GABRB3: variants seen among roughly 807,000 people sequenced by gnomAD.
GABRB3 encodes gamma-aminobutyric acid type A receptor subunit beta3.
Under a neutral mutation model 52.1 loss-of-function variants are expected in GABRB3, and 14 were observed. That is an observed-to-expected ratio of 0.27 (90% CI 0.18 to 0.42). The LOEUF is 0.42. GABRB3 is among the 10% of genes least tolerant of loss of function. GABRB3 has a pLI of 1.00. For synonymous variants in GABRB3, 260 were observed against 232.3 expected, an observed-to-expected ratio of 1.12 and a Z score of -1.08; for missense variants, 307 against 609.1, an observed-to-expected ratio of 0.50 and a Z score of 5.22.
rs1055128772 is a variant in GABRB3, at chr15:26,560,920, T to C, written c.1080+12A>G. 1.2e-6 allele frequency: 2 copies of C among 1,613,352 alleles called. No individual in the cohort carries two copies. The highest frequency in any genetic ancestry group is 1.7e-6 in the Non-Finnish European group (2 of 1,179,980). On this transcript the variant is annotated intron_variant, in intron 8 of 8. Coordinates refer to ENST00000311550, the MANE Select transcript of GABRB3 (RefSeq NM_000814.6). ...CAGGGACCAGGTGGGGTCAAGGTGG[T>C]GGAGAGCCTACCCGGTTGCTTTCGC... is the stretch of plus-strand genomic sequence containing the variant.
intron 3 of GABRB3, among the ~76,000 whole-genome samples, chr15:26,751,948 A>G (rs1172703599): frequency 6.6e-6 from 1 of 152,222 alleles, no homozygotes; most frequent in Non-Finnish European, 1.5e-5. Context: ...CTAATAAACG[A>G]AAAATATAAA....
chr15:26,688,344 C>T (rs1272756464), intron 3 of GABRB3, among the ~76,000 whole-genome samples: 1 of 152,184 alleles, frequency 6.6e-6, no homozygotes, highest in Admixed American at 6.5e-5. Context: ...AGCTCTATGA[C>T]CCCAGCCAGC....
chr15:26,610,619 T>C (rs771090525), intron 4 of GABRB3, among the ~76,000 whole-genome samples: 8 of 152,158 alleles, frequency 5.3e-5, no homozygotes, highest in Non-Finnish European at 7.3e-5. Flanking sequence ...AATGGGAAAG[T>C]GGGATGGAGT....
At chr15:26,761,270 C>T (rs1010651772) in intron 3 of GABRB3, among the ~76,000 whole-genome samples, 3 of 152,062 alleles carry the variant, frequency 2.0e-5, no homozygotes, top group Non-Finnish European at 4.4e-5. Context: ...TGACATGCGC[C>T]TGTAGACCCA....
At chr15:26,708,275 T>G (rs992678694) in intron 3 of GABRB3, among the ~76,000 whole-genome samples, 3 of 152,192 alleles carry the variant, frequency 2.0e-5, no homozygotes, top group African/African-American at 7.2e-5. Flanking sequence ...TATGTCCCAG[T>G]TGGCTCCCTA....
intron 4 of GABRB3, 150 bp from the exon 5 acceptor site, chr15:26,583,564 G>A (rs1256542441): frequency 3.1e-6 from 2 of 642,052 alleles, no homozygotes; most frequent in South Asian, 1.8e-5. Context: ...AGAGAAACTT[G>A]AGTAAATAAG....
intron 7 of GABRB3, 35 bp downstream of exon 7, chr15:26,567,546 T>C: frequency 1.2e-6 from 2 of 1,602,584 alleles, no homozygotes; most frequent in Non-Finnish European, 1.7e-6. Flanking sequence ...ATACGGTTAC[T>C]TTACATTTAA....
chr15:26,621,600 C>A lies in GABRB3; in HGVS notation c.241-66G>T. 6.3e-6 allele frequency: 8 copies of A among 1,277,420 alleles called. No homozygotes were observed. In the Admixed American group the frequency reaches 1.1e-4, roughly 17 times the overall value. The allele number at this position is 1,277,420 out of a possible 1,614,324, so 79.1% of individuals were successfully genotyped here. A position where few individuals can be genotyped will look rare whatever the true frequency, so the allele number is the denominator to read the frequency against. On this transcript the variant is annotated intron_variant, in intron 3 of 8. Coordinates refer to ENST00000311550, the MANE Select transcript of GABRB3 (RefSeq NM_000814.6). This position sits in a 1 kb window ranked among gnomAD's most constrained non-coding sequence, Gnocchi z 4.1. Reference sequence around the variant, plus strand: ...GCCACAGGTGTATTTCCTCCACGACCAGCCAAATTCAGGTTGCAATCTAGG... The same window carrying A: ...GCCACAGGTGTATTTCCTCCACGACAAGCCAAATTCAGGTTGCAATCTAGG...
At chr15:26,629,109 C>T (rs1173039634) in intron 3 of GABRB3, 12 of 1,535,042 alleles carry the variant, frequency 7.8e-6, no homozygotes, top group Non-Finnish European at 1.0e-5. Flanking sequence ...CTCTCCATCT[C>T]TGCTCTTTAC....
At chr15:26,725,440 T>G (rs1007281205) in intron 3 of GABRB3, among the ~76,000 whole-genome samples, 1 of 152,222 alleles carries the variant, frequency 6.6e-6, no homozygotes, top group African/African-American at 2.4e-5. Context: ...CTGCCACCTC[T>G]GCATCATCCT....
intron 6 of GABRB3, among the ~76,000 whole-genome samples, chr15:26,569,765 CT>C (rs1172121211): frequency 7.8e-4 from 119 of 152,328 alleles, no homozygotes; most frequent in African/African-American, 2.8e-3. Flanking sequence ...ATAAAAGTGC[CT>C]AGCACACCTT....
intron 3 of GABRB3, among the ~76,000 whole-genome samples, chr15:26,643,890 G>A (rs1252204875): frequency 6.6e-6 from 1 of 152,216 alleles, no homozygotes; most frequent in Non-Finnish European, 1.5e-5. Flanking sequence ...AAGTACTTGT[G>A]TAGCACTTCC....
At chr15:26,553,957 C>T (rs1194543667) in intron 8 of GABRB3, among the ~76,000 whole-genome samples, 1 of 141,938 alleles carries the variant, frequency 7.0e-6, no homozygotes, top group Non-Finnish European at 1.5e-5. Flanking sequence ...TCACAGCAGC[C>T]CCAAATACCA....
At chr15:26,742,044 G>A (rs1890221525) in intron 3 of GABRB3, among the ~76,000 whole-genome samples, 1 of 151,598 alleles carries the variant, frequency 6.6e-6, no homozygotes, top group Non-Finnish European at 1.5e-5. Context: ...AAAAGTACGC[G>A]GTTTTTTTTA....
chr15:26,670,267 C>A (rs1468299106), intron 3 of GABRB3, among the ~76,000 whole-genome samples: 3 of 152,044 alleles, frequency 2.0e-5, no homozygotes, highest in Non-Finnish European at 4.4e-5. Context: ...CATGGAGGGG[C>A]GGGAGAGGTA....
rs150500072 is a variant in GABRB3 at position 26,656,887 on chromosome 15, T to C, written c.241-35353A>G. On this transcript the variant is annotated intron_variant, in intron 3 of 8. Transcript: ENST00000311550. The stretch of plus-strand genomic sequence containing the variant: ...CTTGTCTGAGTTTTGAGATCCTTGT[T>C]GATCTAAGTCCCAGGAAATGATGTT... 269 of 152,362 alleles carry C rather than the reference T, an allele frequency of 1.8e-3. 1 individual carries two copies. The highest frequency in any genetic ancestry group is 6.3e-3 in the African/African-American group (261 of 41,584). The allele number at this position is 152,362 out of a possible 1,614,324, so 9.4% of individuals were successfully genotyped here. A position where few individuals can be genotyped will look rare whatever the true frequency, so the allele number is the denominator to read the frequency against.
intron 3 of GABRB3, among the ~76,000 whole-genome samples, chr15:26,771,412 T>C (rs890216247): frequency 5.9e-5 from 9 of 152,044 alleles, no homozygotes; most frequent in African/African-American, 2.2e-4. Context: ...GCCTACAGAG[T>C]GGATCTAAAA....
chr15:26,706,257 C>A lies in GABRB3; in HGVS notation c.240+66145G>T, dbSNP rs573364644. ...ACCTGGCACAGCGCCTGAGGCAATA[C>A]CCGCCTCATGCAACGAAACAACCAG... On this transcript the variant is annotated intron_variant, in intron 3 of 8. Transcript: ENST00000311550. Among the ~76,000 whole-genome samples the A allele has an allele frequency of 2.0e-5, 3 of 152,290 alleles. No homozygotes were observed. In the East Asian group the frequency reaches 5.8e-4, roughly 29 times the overall value.
At position 26,620,138 on chromosome 15, in the gene GABRB3, TCAGGCAAAAA is replaced by T. The variant is rs373198171; in HGVS notation, c.461+1166_461+1175del. ...AGCTTTACAACCACAGGTCTCATTT[TCAGGCAAAAA>T]CATAAAATGCTGAAAACTTCCCAAA... On this transcript the variant is annotated intron_variant, in intron 4 of 8. Coordinates refer to ENST00000311550, the MANE Select transcript of GABRB3 (RefSeq NM_000814.6). Among the ~76,000 whole-genome samples the T allele has an allele frequency of 9.2e-5, 14 of 152,320 alleles. No individual in the cohort carries two copies. In the East Asian group the frequency reaches 2.7e-3, roughly 29 times the overall value.
Sources: gnomAD v4.1 joint callset for allele counts (sites outside exome capture counted in the v4.1 genomes callset) on GRCh38, gnomAD v4.1.1 for gene constraint, Gnocchi (gnomAD v3.1) non-coding constraint, MANE v1.5 for transcripts, NCBI Gene and HGNC (gene_info 2026-07-23, HGNC 2026-07-21) for gene names.